The following RFX3 variants were observed in gnomAD, a reference collection of about 807,000 sequenced individuals.
The protein encoded by RFX3 is transcription factor RFX3.
A neutral mutation model predicts 98.6 loss-of-function variants in RFX3; 14 were observed. The observed-to-expected ratio is 0.14, with a 90% CI of 0.09 to 0.22. The LOEUF (loss-of-function observed/expected upper bound fraction) is 0.22, where lower values mean the gene tolerates loss of function less well. Among genes scored for constraint, RFX3 ranks in the 10% least tolerant of loss-of-function variants. The pLI, the probability that RFX3 is intolerant of heterozygous loss-of-function variation, is 1.00. For missense variants in RFX3, 639 were observed against 926.9 expected, an observed-to-expected ratio of 0.69 and a Z score of 4.03; for synonymous variants, 383 against 328.4, an observed-to-expected ratio of 1.17 and a Z score of -1.80.
chr9:3,394,337 C>T (rs1428182242), intron 2 of RFX3, among the ~76,000 whole-genome samples: 1 of 152,036 alleles, frequency 6.6e-6, no homozygotes, highest in Non-Finnish European at 1.5e-5. Context: ...GTGGCAGGCA[C>T]CTGTAGTCCC....
intron 4 of RFX3, among the ~76,000 whole-genome samples, chr9:3,309,455 G>C (rs1352117905): frequency 6.6e-6 from 1 of 152,002 alleles, no homozygotes; most frequent in East Asian, 1.9e-4. Flanking sequence ...TGGAATGAAG[G>C]ACAGGCAGAC....
intron 1 of RFX3, among the ~76,000 whole-genome samples, chr9:3,423,440 C>G (rs1194668467): frequency 6.6e-6 from 1 of 152,076 alleles, no homozygotes; most frequent in Non-Finnish European, 1.5e-5. Context: ...AAATACTACT[C>G]TGGAATAAAA....
intron 1 of RFX3, 148 bp from the exon 2 acceptor site, chr9:3,395,744 G>A: frequency 4.0e-6 from 3 of 756,166 alleles, no homozygotes; most frequent in Non-Finnish European, 4.1e-6. Context: ...GTCCGTGCAT[G>A]TGTATGGTCA....
chr9:3,334,539 G>C (rs1318656659), intron 3 of RFX3, among the ~76,000 whole-genome samples: 1 of 152,138 alleles, frequency 6.6e-6, no homozygotes, highest in African/African-American at 2.4e-5. Flanking sequence ...CAGTTCATAA[G>C]CTAAAAAATG....
At chr9:3,369,874 G>C (rs1236283742) in intron 2 of RFX3, among the ~76,000 whole-genome samples, 1 of 152,130 alleles carries the variant, frequency 6.6e-6, no homozygotes, top group Non-Finnish European at 1.5e-5. Flanking sequence ...CTGTCGCCCA[G>C]GCTGGAGTGC....
chr9:3,332,951 G>A (rs1265188471), intron 3 of RFX3, among the ~76,000 whole-genome samples: 3 of 152,018 alleles, frequency 2.0e-5, no homozygotes, highest in African/African-American at 7.2e-5. Flanking sequence ...GCCCTCTATG[G>A]CCACTCCTCA....
chr9:3,398,914 TAAAAAAAAA>T (rs71324247), intron 1 of RFX3, among the ~76,000 whole-genome samples: 15 of 67,564 alleles, frequency 2.2e-4, no homozygotes, highest in Admixed American at 5.4e-4. Context: ...TAGAGTATAA[TAAAAAAAAA>T]AAAAAAAAAA....
intron 6 of RFX3, 49 bp downstream of exon 6, chr9:3,293,028 T>TA (rs1416631341): frequency 7.0e-7 from 1 of 1,426,310 alleles, no homozygotes; most frequent in East Asian, 2.3e-5. Context: ...TGAATTGCCC[T>TA]AGTTTGAAAA....
rs756273952 is a variant in RFX3 at position 3,288,035 on chromosome 9, G to C, written c.851+96C>G. 8 of 1,143,110 alleles carry C rather than the reference G, an allele frequency of 7.0e-6. No individual in the cohort carries two copies. The East Asian group carries it at 1.9e-4, about 27-fold the overall frequency. The allele number at this position is 1,143,110 out of a possible 1,614,324, so 70.8% of individuals were successfully genotyped here. On this transcript the variant is annotated intron_variant, in intron 7 of 16. Transcript: ENST00000617270. ...GTGAAAGCATGCCAACAATAAGAAC[G>C]TTCTTTTATACTTAGGTATTTGTTC...
intron 1 of RFX3, among the ~76,000 whole-genome samples, chr9:3,410,697 G>A (rs1454466841): frequency 1.3e-5 from 2 of 152,150 alleles, no homozygotes; most frequent in Non-Finnish European, 2.9e-5. Flanking sequence ...TAGATGGCAG[G>A]TTTACAAGCT....
intron 1 of RFX3, among the ~76,000 whole-genome samples, chr9:3,511,352 G>T (rs775505392): frequency 1.3e-5 from 2 of 151,766 alleles, no homozygotes; most frequent in Non-Finnish European, 2.9e-5. Context: ...CATGAATAAC[G>T]ATTTTTTTTT....
In RFX3 at chr9:3,466,528, T is replaced by C. The variant is rs192656517; in HGVS notation, c.-9+59219A>G. On this transcript the variant is annotated intron_variant, in intron 1 of 16. Coordinates refer to ENST00000617270, the MANE Select transcript of RFX3 (RefSeq NM_001282116.2). ...TTAGTATAGGTTGGCACAAAAGTAA[T>C]TGTGGCTTTTGCCAATTACTTTTGC... 1.5e-3 allele frequency among the ~76,000 whole-genome samples: 222 copies of C among 152,260 alleles called. No homozygotes were observed. The Middle Eastern group carries it at 0.017, about 12-fold the overall frequency.
chr9:3,452,689 C>G (rs922672985), intron 1 of RFX3, among the ~76,000 whole-genome samples: 1 of 152,332 alleles, frequency 6.6e-6, no homozygotes, highest in African/African-American at 2.4e-5. Flanking sequence ...AAAAGACATA[C>G]TTTGCACTCT....
At chr9:3,227,160 T>C (rs1346404312) in intron 16 of RFX3, among the ~76,000 whole-genome samples, 1 of 152,078 alleles carries the variant, frequency 6.6e-6, no homozygotes, top group African/African-American at 2.4e-5. Context: ...CCTAAGAAAT[T>C]AGTGTCAAAA....
Position 3,525,950 on chromosome 9 carries a change from GA to G in RFX3, c.-213del, listed in dbSNP as rs1243910361. 1.4e-6 allele frequency: 1 copy of G among 705,180 alleles called. No individual in the cohort carries two copies. Among genetic ancestry groups the G allele is most frequent in the East Asian group, 1.4e-4 (1 of 7,210 alleles). 43.7% of individuals were successfully genotyped at this position (705,180 alleles called of 1,614,324 possible). ...AAAGAGAGAGAGAGAGGGAGAGAGA[GA>G]GAGAGCGAGAGGGAGAGGGAGACAC... On this transcript the variant is annotated 5_prime_UTR_variant, in exon 1 of 17. Transcript: ENST00000617270.
At chr9:3,301,426 C>T (rs990901347) in intron 5 of RFX3, 120 bp downstream of exon 5, 2 of 600,606 alleles carry the variant, frequency 3.3e-6, no homozygotes, top group Non-Finnish European at 5.9e-6. Context: ...TCATAAGGGG[C>T]TGAGAAGGGA....
At chr9:3,522,558 T>TGTGC (rs779904034) in intron 1 of RFX3, among the ~76,000 whole-genome samples, 2 of 84,160 alleles carry the variant, frequency 2.4e-5, no homozygotes, top group East Asian at 2.1e-3. Context: ...TGTGTGTGCG[T>TGTGC]GTGTGTGTGT....
At chr9:3,261,877 G>A (rs1186458158) in intron 13 of RFX3, among the ~76,000 whole-genome samples, 1 of 152,052 alleles carries the variant, frequency 6.6e-6, no homozygotes, top group Non-Finnish European at 1.5e-5. Flanking sequence ...CTGTGGTTTT[G>A]ACTTGTATTT....
intron 2 of RFX3, among the ~76,000 whole-genome samples, chr9:3,380,434 T>C (rs1286613617): frequency 6.6e-6 from 1 of 152,112 alleles, no homozygotes; most frequent in Non-Finnish European, 1.5e-5. Flanking sequence ...TGACCTAACA[T>C]CAACATTCTT....
Sources: gnomAD v4.1 joint callset for allele counts (sites outside exome capture counted in the v4.1 genomes callset) on GRCh38, gnomAD v4.1.1 for gene constraint, MANE v1.5 for transcripts, NCBI Gene and HGNC (gene_info 2026-07-23, HGNC 2026-07-21) for gene names.